STAU2: variants seen among roughly 807,000 people sequenced by gnomAD.
The protein encoded by STAU2 is staufen double-stranded RNA binding protein 2, also known as double-stranded RNA-binding protein Staufen homolog 2.
STAU2 carries 20 observed loss-of-function variants against 65.9 expected under a neutral mutation model. The ratio of observed to expected loss-of-function variants is 0.30; its 90% CI spans 0.21 to 0.44. The LOEUF (loss-of-function observed/expected upper bound fraction) is 0.44, where lower values mean the gene tolerates loss of function less well. Ranked by LOEUF, STAU2 falls within the 20% of genes least tolerant of loss-of-function variation. The pLI, the probability that STAU2 is intolerant of heterozygous loss-of-function variation, is 1.00. For synonymous variants in STAU2, 232 were observed against 233.9 expected (o/e 0.99, Z 0.07); for missense variants, 558 against 683.9 (o/e 0.82, Z 2.05).
intron 13 of STAU2, among the ~76,000 whole-genome samples, chr8:73,536,526 C>G (rs1250262392): frequency 6.6e-6 from 1 of 152,184 alleles, no homozygotes; most frequent in Non-Finnish European, 1.5e-5. Context: ...TTTCACCTTA[C>G]CAGACTGTAA....
intron 3 of STAU2, among the ~76,000 whole-genome samples, chr8:73,710,748 T>C (rs1820835400): frequency 6.6e-6 from 1 of 151,990 alleles, no homozygotes; most frequent in African/African-American, 2.4e-5. Context: ...TGCCAAAATA[T>C]ATTTTAAAAT....
intron 4 of STAU2, among the ~76,000 whole-genome samples, chr8:73,708,182 T>C (rs1230248203): frequency 1.3e-5 from 2 of 152,174 alleles, no homozygotes; most frequent in African/African-American, 2.4e-5. Context: ...AATTGACAAA[T>C]TGTAGTTTCC....
intron 13 of STAU2, among the ~76,000 whole-genome samples, chr8:73,541,596 A>G (rs1362274266): frequency 7.9e-5 from 12 of 152,232 alleles, no homozygotes; most frequent in Admixed American, 5.9e-4. Flanking sequence ...TGAATAAGGC[A>G]GTCAACAGAA....
At chr8:73,424,688 G>A (rs993544286) in intron 13 of STAU2, among the ~76,000 whole-genome samples, 6 of 151,940 alleles carry the variant, frequency 3.9e-5, no homozygotes, top group Non-Finnish European at 5.9e-5. Flanking sequence ...GGAATTTAAT[G>A]TGTAATATTC....
intron 12 of STAU2, among the ~76,000 whole-genome samples, chr8:73,556,086 G>GA (rs1297730533): frequency 6.6e-6 from 1 of 151,896 alleles, no homozygotes; most frequent in African/African-American, 2.4e-5. Flanking sequence ...TTGTTTACTT[G>GA]AAAAAACAAG....
intron 4 of STAU2, among the ~76,000 whole-genome samples, chr8:73,692,780 TAA>T (rs1028344896): frequency 2.0e-5 from 3 of 152,160 alleles, no homozygotes; most frequent in African/African-American, 7.2e-5. Flanking sequence ...AGAATTTAGT[TAA>T]ATAGTAGGAC....
chr8:73,442,908 C>A (rs951213137), intron 13 of STAU2, among the ~76,000 whole-genome samples: 1 of 152,126 alleles, frequency 6.6e-6, no homozygotes, highest in Non-Finnish European at 1.5e-5. Context: ...CAAGATATCA[C>A]GCTAAACTTC....
intron 6 of STAU2, among the ~76,000 whole-genome samples, chr8:73,634,192 C>T (rs566612829): frequency 6.6e-6 from 1 of 152,296 alleles, no homozygotes; most frequent in Non-Finnish European, 1.5e-5. Flanking sequence ...ACAGCCTCGT[C>T]TCTAGTCTAG....
chr8:73,725,798 T>C (rs1042479200), intron 3 of STAU2, among the ~76,000 whole-genome samples: 1 of 152,102 alleles, frequency 6.6e-6, no homozygotes, highest in Non-Finnish European at 1.5e-5. Context: ...CCGGATATAG[T>C]GGTGCATGCC....
At chr8:73,430,247 G>A (rs1254214746) in intron 13 of STAU2, among the ~76,000 whole-genome samples, 1 of 152,212 alleles carries the variant, frequency 6.6e-6, no homozygotes, top group Non-Finnish European at 1.5e-5. Flanking sequence ...GAGGCACTGG[G>A]ATTGCAAAGG....
At chr8:73,667,868 T>C (rs535073278) in intron 6 of STAU2, among the ~76,000 whole-genome samples, 3 of 152,318 alleles carry the variant, frequency 2.0e-5, no homozygotes, top group Non-Finnish European at 4.4e-5. Flanking sequence ...GCAAGATCAC[T>C]TAACTAAAAG....
intron 10 of STAU2, among the ~76,000 whole-genome samples, chr8:73,600,320 T>G (rs1421820527): frequency 1.3e-5 from 2 of 152,216 alleles, no homozygotes; most frequent in African/African-American, 4.8e-5. Flanking sequence ...AGTTTAAACC[T>G]GTGAAATATT....
intron 9 of STAU2, among the ~76,000 whole-genome samples, chr8:73,607,640 G>A (rs1387773594): frequency 6.6e-6 from 1 of 151,568 alleles, no homozygotes; most frequent in African/African-American, 2.4e-5. Flanking sequence ...GGGAGGCTGA[G>A]GCAGGAGAAT....
At chr8:73,662,537 T>C (rs972848121) in intron 6 of STAU2, among the ~76,000 whole-genome samples, 1 of 152,230 alleles carries the variant, frequency 6.6e-6, no homozygotes. Context: ...CTTTTACATA[T>C]ATGTCTATGA....
At chr8:73,433,924 G>C (rs1182565369) in intron 13 of STAU2, among the ~76,000 whole-genome samples, 1 of 151,900 alleles carries the variant, frequency 6.6e-6, no homozygotes. Context: ...ACTCTGTGTG[G>C]CGGGCAGAAT....
chr8:73,714,853 G>A (rs564785183), intron 3 of STAU2, among the ~76,000 whole-genome samples: 17 of 152,206 alleles, frequency 1.1e-4, no homozygotes, highest in African/African-American at 3.4e-4. Context: ...AGGTCAAGGC[G>A]GGCAGATCAC....
intron 4 of STAU2, 84 bp downstream of exon 4, chr8:73,708,948 C>A: frequency 7.4e-7 from 1 of 1,346,496 alleles, no homozygotes; most frequent in Admixed American, 3.1e-5. Flanking sequence ...CCCCCACTCC[C>A]CAAAATAAAG....
intron 13 of STAU2, among the ~76,000 whole-genome samples, chr8:73,452,023 G>A (rs1453428599): frequency 1.3e-5 from 2 of 152,192 alleles, no homozygotes; most frequent in African/African-American, 4.8e-5. Flanking sequence ...GATACAGCCT[G>A]GAGCAAGGCA....
intron 13 of STAU2, among the ~76,000 whole-genome samples, chr8:73,445,846 G>A (rs1423139394): frequency 6.6e-6 from 1 of 152,182 alleles, no homozygotes; most frequent in East Asian, 1.9e-4. Flanking sequence ...GAGAAGATTC[G>A]GGGGAACTAG....
Sources: gnomAD v4.1 joint callset for allele counts (sites outside exome capture counted in the v4.1 genomes callset) on GRCh38, gnomAD v4.1.1 for gene constraint, MANE v1.5 for transcripts, NCBI Gene and HGNC (gene_info 2026-07-23, HGNC 2026-07-21) for gene names.